NCOA2: variants seen among roughly 807,000 people sequenced by gnomAD.
NCOA2 encodes nuclear receptor coactivator 2.
In NCOA2, 21 loss-of-function variants were observed where a neutral mutation model predicts 145.1. The observed-to-expected ratio is 0.14, with a 90% CI of 0.10 to 0.21. The LOEUF is 0.21. NCOA2 is among the 10% of genes least tolerant of loss of function. The probability of loss-of-function intolerance (pLI) is 1.00; values close to 1 mark genes in which losing one functional copy is unlikely to be tolerated. For synonymous variants in NCOA2, 619 were observed against 637.5 expected (o/e 0.97, Z 0.44); for missense variants, 1,472 against 1,837.6 (o/e 0.80, Z 3.64).
intron 4 of NCOA2, among the ~76,000 whole-genome samples, chr8:70,197,385 A>T (rs1385063595): frequency 6.6e-6 from 1 of 152,242 alleles, no homozygotes; most frequent in Non-Finnish European, 1.5e-5. Context: ...GGCACAGGCC[A>T]AGCTGGACCC....
chr8:70,287,819 T>C (rs1040311967), intron 2 of NCOA2, among the ~76,000 whole-genome samples: 1 of 152,300 alleles, frequency 6.6e-6, no homozygotes, highest in East Asian at 1.9e-4. Flanking sequence ...GTAGAGAAAA[T>C]GGCATACACA....
chr8:70,338,629 C>CA (rs1457549217), intron 1 of NCOA2, among the ~76,000 whole-genome samples: 3 of 151,864 alleles, frequency 2.0e-5, no homozygotes, highest in South Asian at 2.1e-4. Context: ...GGCAGAAATA[C>CA]AAAAAAAGAG....
chr8:70,133,862 T>G (rs144206800), intron 15 of NCOA2, among the ~76,000 whole-genome samples: 13 of 152,328 alleles, frequency 8.5e-5, no homozygotes, highest in African/African-American at 2.6e-4. Context: ...CAAATGTTCA[T>G]AAAGGAATGC....
intron 1 of NCOA2, among the ~76,000 whole-genome samples, chr8:70,371,856 T>C (rs996616395): frequency 2.6e-5 from 4 of 152,202 alleles, no homozygotes; most frequent in African/African-American, 7.2e-5. Flanking sequence ...AAGAGAGCTA[T>C]TTTAAAAACT....
At chr8:70,442,134 A>AGAAAGAAAGAAAGAAG in the NCOA2 span, among the ~76,000 whole-genome samples, 47 of 125,476 alleles carry the variant, frequency 3.7e-4, no homozygotes, top group African/African-American at 1.9e-3. Context: ...AAAGAAAGAA[A>AGAAAGAAAGAAAGAAG]GAAAGAAAGA....
rs145926113 is a variant in NCOA2 at position 70,163,639 on chromosome 8, G to C, written c.731-73C>G. On this transcript the variant is annotated intron_variant, in intron 7 of 22. Coordinates refer to ENST00000452400, the MANE Select transcript of NCOA2 (RefSeq NM_006540.4). ...TTCAAACAAACCCAAGTGTATTTAT[G>C]ACAGCACAGCCTGTCATTAAAAAAG... The C allele has an allele frequency of 1.7e-3, 1,831 of 1,089,994 alleles. 16 individuals carry two copies. The highest frequency in any genetic ancestry group is 0.015 in the Middle Eastern group (75 of 4,974). 67.5% of individuals were successfully genotyped at this position (1,089,994 alleles called of 1,614,324 possible). A position where few individuals can be genotyped will look rare whatever the true frequency, so the allele number is the denominator to read the frequency against.
At chr8:70,266,788 C>T (rs1824632810) in intron 2 of NCOA2, among the ~76,000 whole-genome samples, 1 of 152,176 alleles carries the variant, frequency 6.6e-6, no homozygotes, top group Non-Finnish European at 1.5e-5. Context: ...ACAGGAGACA[C>T]AGTTCTAGGG....
intron 1 of NCOA2, among the ~76,000 whole-genome samples, chr8:70,361,387 C>T (rs1239034313): frequency 6.6e-6 from 1 of 151,836 alleles, no homozygotes; most frequent in Non-Finnish European, 1.5e-5. Flanking sequence ...ATCCCAGCTA[C>T]CCAGTAGGCT....
chr8:70,371,826 C>T (rs1283354597), intron 1 of NCOA2, among the ~76,000 whole-genome samples: 1 of 152,154 alleles, frequency 6.6e-6, no homozygotes, highest in East Asian at 1.9e-4. Flanking sequence ...CACTTCTAGC[C>T]TGCATCACAG....
intron 22 of NCOA2, among the ~76,000 whole-genome samples, chr8:70,118,482 A>G (rs1022153376): frequency 2.0e-5 from 3 of 152,172 alleles, no homozygotes; most frequent in African/African-American, 7.2e-5. Context: ...TCCCACCAAC[A>G]GCCAGCACCT....
chr8:70,180,974 T>C (rs1815410991), intron 4 of NCOA2, among the ~76,000 whole-genome samples: 1 of 152,258 alleles, frequency 6.6e-6, no homozygotes, highest in South Asian at 2.1e-4. Flanking sequence ...CAATTAAACA[T>C]TTTTAAATTA....
In NCOA2 at chr8:70,124,744, G is replaced by A. The variant is rs948911539; in HGVS notation, c.4038C>T (p.Ala1346=). The change falls in exon 20 of 23, where the codon GCC becomes GCT. Residue 1346 remains alanine, a synonymous_variant. Coordinates refer to ENST00000452400, the MANE Select transcript of NCOA2 (RefSeq NM_006540.4). ...PMMQQSQANP[A]YQAPSDINGW... is the part of the protein sequence containing the mutation. ...CATTTATGTCGGAGGGGGCCTGATA[G>A]GCTGGGTTGGCCTGAGACTGTTGCA... The A allele has an allele frequency of 1.9e-6, 3 of 1,613,560 alleles. No individual in the cohort carries two copies. Among genetic ancestry groups the A allele is most frequent in the Non-Finnish European group, 2.5e-6 (3 of 1,179,750 alleles).
intron 4 of NCOA2, among the ~76,000 whole-genome samples, chr8:70,206,209 A>AT (rs1818424404): frequency 6.6e-6 from 1 of 152,230 alleles, no homozygotes. Context: ...AAACTAAGAT[A>AT]TTTAAGAATT....
intron 1 of NCOA2, among the ~76,000 whole-genome samples, chr8:70,337,520 C>T (rs116493899): frequency 0.01 from 1,553 of 152,194 alleles, 25 homozygotes; most frequent in African/African-American, 0.035. Context: ...CCAGCCTCTG[C>T]GTAACTTGTA....
intron 16 of NCOA2, among the ~76,000 whole-genome samples, chr8:70,129,729 T>C (rs1248450632): frequency 6.6e-6 from 1 of 152,094 alleles, no homozygotes; most frequent in African/African-American, 2.4e-5. Flanking sequence ...TGGAGTGCAA[T>C]GTTGTGATCT....
chr8:70,363,987 T>C (rs1423684624), intron 1 of NCOA2, among the ~76,000 whole-genome samples: 1 of 150,626 alleles, frequency 6.6e-6, no homozygotes, highest in Non-Finnish European at 1.5e-5. Context: ...GAATGCTATA[T>C]GCAGTACAGG....
the NCOA2 span, among the ~76,000 whole-genome samples, chr8:70,413,294 A>G: frequency 6.6e-6 from 1 of 152,026 alleles, no homozygotes; most frequent in Non-Finnish European, 1.5e-5. Flanking sequence ...CCTCAACACT[A>G]TCCATCTCTA....
chr8:70,422,925 T>C, the NCOA2 span, among the ~76,000 whole-genome samples: 4 of 152,180 alleles, frequency 2.6e-5, no homozygotes, highest in South Asian at 8.3e-4. Context: ...TTTCCCAGGC[T>C]GGCCTCTAAC....
chr8:70,281,355 C>CG (rs1825863534), intron 2 of NCOA2, among the ~76,000 whole-genome samples: 4 of 60,992 alleles, frequency 6.6e-5, no homozygotes, highest in African/African-American at 2.2e-4. Flanking sequence ...GACCCTGTCT[C>CG]AAAAAAAAAA....
Sources: allele counts gnomAD v4.1 joint callset (sites outside exome capture counted in the v4.1 genomes callset), GRCh38; gene constraint gnomAD v4.1.1; transcripts MANE v1.5; gene names NCBI Gene and HGNC (gene_info 2026-07-23, HGNC 2026-07-21).